POLA2: variants seen among roughly 807,000 people sequenced by gnomAD.
The protein encoded by POLA2 is DNA polymerase alpha 2, accessory subunit.
A neutral mutation model predicts 82.8 loss-of-function variants in POLA2; 47 were observed. The ratio of observed to expected loss-of-function variants is 0.57; its 90% CI spans 0.45 to 0.72. POLA2 has a LOEUF of 0.72. POLA2 is among the 30% of genes least tolerant of loss of function. The probability of loss-of-function intolerance (pLI) is 0.00; values close to 1 mark genes in which losing one functional copy is unlikely to be tolerated. For missense variants in POLA2, 634 were observed against 728.1 expected (o/e 0.87, Z 1.49); for synonymous variants, 287 against 286.8 (o/e 1.00, Z -0.01).
intron 15 of POLA2, among the ~76,000 whole-genome samples, chr11:65,295,184 G>A (rs960409883): frequency 6.6e-5 from 10 of 152,314 alleles, no homozygotes; most frequent in Admixed American, 2.6e-4. Flanking sequence ...AGACGGGTGC[G>A]GCTCCTTGGC....
At position 65,297,212 on chromosome 11, in the gene POLA2, A is replaced by G. The variant is rs41541217; in HGVS notation, c.1740A>G (p.Ala580=). 1.1e-5 allele frequency: 18 copies of G among 1,614,088 alleles called. No homozygotes were observed. The African/African-American group carries it at 1.9e-4, about 17-fold the overall frequency. The stretch of plus-strand genomic sequence containing the variant: ...CCCGACTCTACCTTAGGAGGCCGGC[A>G]GCGGACGGGGCAGAGAGGCAGAGCC... ...TFARLYLRRP[A]ADGAERQSPC... Residue 580 remains alanine, a synonymous_variant, in exon 18 of 18, where the codon GCA becomes GCG. Transcript: ENST00000265465.
In POLA2 at chr11:65,281,180, C is replaced by T. The variant is rs113829757; in HGVS notation, c.900+33C>T. 2.0e-3 allele frequency: 3,150 copies of T among 1,603,256 alleles called. 43 individuals carry two copies. In the African/African-American group the frequency reaches 0.036, roughly 18 times the overall value. ...TGGAGGAGTTCCACCAGAATGCAGG[C>T]GCACTCTTTACCCCTGTAGTGTAGG... On this transcript the variant is annotated intron_variant, in intron 8 of 17. Coordinates refer to ENST00000265465, the MANE Select transcript of POLA2 (RefSeq NM_002689.4).
downstream of POLA2, among the ~76,000 whole-genome samples, chr11:65,301,609 G>A (rs1949859892): frequency 1.3e-5 from 2 of 152,096 alleles, no homozygotes. Context: ...GGGTGGCCGA[G>A]AGATGGATGG....
downstream of POLA2, among the ~76,000 whole-genome samples, chr11:65,302,802 G>A (rs191121161): frequency 4.0e-5 from 6 of 151,790 alleles, no homozygotes; most frequent in East Asian, 9.7e-4. Context: ...ATCACAGCTC[G>A]CTGCAGCCTC....
At chr11:65,287,603 A>T in intron 10 of POLA2, 113 bp from the exon 11 acceptor site, 2 of 942,820 alleles carry the variant, frequency 2.1e-6, no homozygotes, top group South Asian at 3.5e-5. Context: ...AGAGTTTCAC[A>T]CATAAAGGAC....
chr11:65,305,156 C>T (rs780801616), intron 8 of POLA2, among the ~76,000 whole-genome samples: 3 of 152,100 alleles, frequency 2.0e-5, no homozygotes, highest in Admixed American at 6.5e-5. Context: ...CTCCCTTCTA[C>T]GCTAACTGTC....
At chr11:65,287,979 G>A (rs1949714902) in intron 11 of POLA2, 139 bp downstream of exon 11, 5 of 940,730 alleles carry the variant, frequency 5.3e-6, no homozygotes, top group Non-Finnish European at 3.1e-6. Context: ...CTTTGGAGAG[G>A]TATATATATC....
chr11:65,267,672 C>G, intron 3 of POLA2, 104 bp downstream of exon 3: 1 of 704,002 alleles, frequency 1.4e-6, no homozygotes, highest in South Asian at 1.9e-5. Context: ...AGGCCGGGCA[C>G]GGTGGCTCAG....
downstream of POLA2, among the ~76,000 whole-genome samples, chr11:65,298,985 C>G (rs1368143936): frequency 6.6e-6 from 1 of 152,222 alleles, no homozygotes; most frequent in Non-Finnish European, 1.5e-5. Context: ...GATGCTAACA[C>G]CAGAGCAGAC....
chr11:65,275,372 A>G (rs1016357289), intron 4 of POLA2, among the ~76,000 whole-genome samples: 2 of 151,804 alleles, frequency 1.3e-5, no homozygotes, highest in African/African-American at 4.8e-5. Flanking sequence ...GAGTCAAAAA[A>G]AAAAAAAAAA....
At chr11:65,303,962 C>T (rs932113775) in intron 8 of POLA2, among the ~76,000 whole-genome samples, 1 of 152,154 alleles carries the variant, frequency 6.6e-6, no homozygotes, top group Non-Finnish European at 1.5e-5. Flanking sequence ...GCACAGAAAC[C>T]TGTAAACAGT....
In POLA2 at chr11:65,295,954, C is replaced by T; in HGVS notation, c.1611C>T (p.Val537=). 1.2e-6 allele frequency: 2 copies of T among 1,614,180 alleles called. No individual in the cohort carries two copies. The highest frequency in any genetic ancestry group is 1.7e-6 in the Non-Finnish European group (2 of 1,180,010). ...CACAGCTGCCTGTCACCCCAGATGTCCTCATCATCCCGTCAGAGCTGAGGT... is the reference window on the plus strand; with the variant it reads ...CACAGCTGCCTGTCACCCCAGATGTTCTCATCATCCCGTCAGAGCTGAGGT... ...VYAQLPVTPD[V]LIIPSELRYF... Residue 537 remains valine, a synonymous_variant, in exon 17 of 18, where the codon GTC becomes GTT. Coordinates refer to ENST00000265465, the MANE Select transcript of POLA2 (RefSeq NM_002689.4).
chr11:65,294,077 C>T (rs1949783281), intron 13 of POLA2, 76 bp from the exon 14 acceptor site: 1 of 1,270,584 alleles, frequency 7.9e-7, no homozygotes, highest in African/African-American at 1.5e-5. Context: ...CTGAGGCATC[C>T]CACCTGTTGC....
intron 5 of POLA2, among the ~76,000 whole-genome samples, chr11:65,277,179 C>CTT (rs533891221): frequency 1.6e-5 from 2 of 124,384 alleles, no homozygotes; most frequent in Admixed American, 8.0e-5. Flanking sequence ...TCTTTTCTTT[C>CTT]TTTTTTTTTT....
intron 10 of POLA2, 53 bp from the exon 11 acceptor site, chr11:65,287,663 C>T: frequency 6.6e-7 from 1 of 1,514,902 alleles, no homozygotes; most frequent in Non-Finnish European, 9.1e-7. Flanking sequence ...TTTCTCCTCC[C>T]ACCATTCTAA....
At chr11:65,292,879 C>T (rs753895357) in intron 13 of POLA2, among the ~76,000 whole-genome samples, 5 of 152,138 alleles carry the variant, frequency 3.3e-5, no homozygotes, top group Admixed American at 6.6e-5. Flanking sequence ...TAAACATGCC[C>T]GCAAAGTAAT....
intron 8 of POLA2, among the ~76,000 whole-genome samples, chr11:65,304,426 T>C (rs1168739970): frequency 5.8e-5 from 7 of 120,300 alleles, no homozygotes; most frequent in African/African-American, 2.6e-4. Flanking sequence ...AACCCACCCA[T>C]CCACCCAACC....
chr11:65,297,032 G>C, intron 17 of POLA2, 88 bp from the exon 18 acceptor site: 2 of 1,399,764 alleles, frequency 1.4e-6, no homozygotes. Flanking sequence ...CCTCTTTGGG[G>C]TCCAGCCATG....
chr11:65,276,802 T>C (rs1167700430), intron 5 of POLA2, among the ~76,000 whole-genome samples: 1 of 151,204 alleles, frequency 6.6e-6, no homozygotes, highest in Non-Finnish European at 1.5e-5. Context: ...TTTTTTTTTT[T>C]TTTTTTTGAG....
Sources: gnomAD v4.1 joint callset for allele counts (sites outside exome capture counted in the v4.1 genomes callset) on GRCh38, gnomAD v4.1.1 for gene constraint, MANE v1.5 for transcripts, NCBI Gene and HGNC (gene_info 2026-07-23, HGNC 2026-07-21) for gene names.